KIAA0825: variants seen among roughly 807,000 people sequenced by gnomAD.
KIAA0825 encodes uncharacterized protein KIAA0825.
Under a neutral mutation model 147.6 loss-of-function variants are expected in KIAA0825, and 119 were observed. The observed-to-expected ratio is 0.81, with a 90% CI of 0.69 to 0.94. The LOEUF is 0.94. Ranked by LOEUF, KIAA0825 falls within the 40% of genes least tolerant of loss-of-function variation. KIAA0825 has a pLI of 0.00. For synonymous variants in KIAA0825, 470 were observed against 518.1 expected (o/e 0.91, Z 1.26); for missense variants, 1,381 against 1,472.7 (o/e 0.94, Z 1.02).
At chr5:94,309,169 T>A (rs1778942366) in intron 20 of KIAA0825, among the ~76,000 whole-genome samples, 1 of 151,818 alleles carries the variant, frequency 6.6e-6, no homozygotes, top group Non-Finnish European at 1.5e-5. Context: ...AGTATGTTTG[T>A]TGTGGTGATG....
chr5:94,410,840 A>G (rs1249033074), intron 15 of KIAA0825, among the ~76,000 whole-genome samples: 2 of 152,186 alleles, frequency 1.3e-5, no homozygotes, highest in Admixed American at 6.5e-5. Context: ...AGAGATTTGT[A>G]ATACAAGAAA....
intron 20 of KIAA0825, among the ~76,000 whole-genome samples, chr5:94,250,946 G>T (rs1775927144): frequency 6.6e-6 from 1 of 152,116 alleles, no homozygotes; most frequent in African/African-American, 2.4e-5. Context: ...GAATCCCCGT[G>T]AAGCTACACT....
At chr5:94,440,469 A>G (rs10063067) in intron 13 of KIAA0825, among the ~76,000 whole-genome samples, 15,958 of 152,250 alleles carry the variant, frequency 0.1, 1,097 homozygotes, top group South Asian at 0.19. Flanking sequence ...CAAATATATC[A>G]ATGCCTACTA....
chr5:94,527,897 A>C (rs781410869), intron 3 of KIAA0825, among the ~76,000 whole-genome samples: 11 of 152,086 alleles, frequency 7.2e-5, no homozygotes, highest in Non-Finnish European at 1.2e-4. Context: ...TGTAATTAAA[A>C]TATAAGTCAG....
intron 2 of KIAA0825, chr5:94,568,024 C>CA: frequency 6.1e-6 from 1 of 163,590 alleles, no homozygotes; most frequent in Non-Finnish European, 1.3e-5. Context: ...AAAATGACAT[C>CA]AAAAAAATCG....
chr5:94,270,139 T>C (rs1261424353), intron 20 of KIAA0825, among the ~76,000 whole-genome samples: 1 of 151,956 alleles, frequency 6.6e-6, no homozygotes, highest in African/African-American at 2.4e-5. Context: ...AGTAATGAGA[T>C]TGAAGCTGTA....
chr5:94,220,991 T>G (rs1055607833), intron 20 of KIAA0825, among the ~76,000 whole-genome samples: 2 of 152,242 alleles, frequency 1.3e-5, no homozygotes, highest in African/African-American at 2.4e-5. Flanking sequence ...ATTTTTGTGA[T>G]GTTTTACATG....
chr5:94,178,314 C>T (rs1769296471), intron 20 of KIAA0825, among the ~76,000 whole-genome samples: 1 of 151,908 alleles, frequency 6.6e-6, no homozygotes, highest in Non-Finnish European at 1.5e-5. Flanking sequence ...TGTCTTATTG[C>T]ACTAACCAGA....
intron 18 of KIAA0825, among the ~76,000 whole-genome samples, chr5:94,388,546 C>T (rs1014212267): frequency 6.6e-6 from 1 of 152,144 alleles, no homozygotes; most frequent in South Asian, 2.1e-4. Flanking sequence ...AAAAGGAATA[C>T]TTTCGTTTTT....
At chr5:94,466,885 A>T (rs1760611494) in intron 10 of KIAA0825, among the ~76,000 whole-genome samples, 1 of 152,126 alleles carries the variant, frequency 6.6e-6, no homozygotes, top group Admixed American at 6.5e-5. Flanking sequence ...TGGTTCTCTC[A>T]TACCCTTTGT....
intron 20 of KIAA0825, among the ~76,000 whole-genome samples, chr5:94,178,110 A>G (rs1399159705): frequency 6.6e-6 from 1 of 151,992 alleles, no homozygotes; most frequent in African/African-American, 2.4e-5. Flanking sequence ...TTTTCCTATC[A>G]TCTCCTCTGT....
intron 1 of KIAA0825, among the ~76,000 whole-genome samples, chr5:94,591,874 A>G (rs1330726737): frequency 6.6e-6 from 1 of 152,222 alleles, no homozygotes; most frequent in Non-Finnish European, 1.5e-5. Flanking sequence ...GAGCTTGTGC[A>G]AAGGAACTCC....
At chr5:94,535,493 CAAAAAAAAAAAAAA>C (rs11362220) in intron 3 of KIAA0825, among the ~76,000 whole-genome samples, 1 of 32,150 alleles carries the variant, frequency 3.1e-5, no homozygotes, top group Non-Finnish European at 6.7e-5. Context: ...CTGGGTGACT[CAAAAAAAAAAAAAA>C]AAAAAAAAAA....
intron 20 of KIAA0825, among the ~76,000 whole-genome samples, chr5:94,336,087 C>T (rs1311476597): frequency 6.6e-6 from 1 of 152,060 alleles, no homozygotes; most frequent in East Asian, 1.9e-4. Context: ...TAAATCATTG[C>T]AGCCAGGCAC....
intron 5 of KIAA0825, among the ~76,000 whole-genome samples, chr5:94,491,593 C>A (rs746997259): frequency 6.6e-6 from 1 of 152,128 alleles, no homozygotes; most frequent in Admixed American, 6.6e-5. Context: ...TCATGGAGGA[C>A]CTGCAAGCAT....
At chr5:94,582,100 G>A (rs988231426) in intron 2 of KIAA0825, among the ~76,000 whole-genome samples, 6 of 152,220 alleles carry the variant, frequency 3.9e-5, no homozygotes, top group African/African-American at 1.4e-4. Flanking sequence ...AGTAAAGTCA[G>A]TTAGTGGTGG....
At chr5:94,573,542 G>A (rs2152333260) in intron 2 of KIAA0825, among the ~76,000 whole-genome samples, 1 of 152,290 alleles carries the variant, frequency 6.6e-6, no homozygotes, top group South Asian at 2.1e-4. Context: ...AAAGTGCTGA[G>A]GTTACAGGTG....
At chr5:94,234,137 C>T (rs1352846011) in intron 20 of KIAA0825, among the ~76,000 whole-genome samples, 4 of 151,862 alleles carry the variant, frequency 2.6e-5, no homozygotes, top group East Asian at 1.9e-4. Flanking sequence ...GAGGCCGAGG[C>T]GGGTGGATCA....
chr5:94,406,228 C>A (rs112386006), intron 15 of KIAA0825, among the ~76,000 whole-genome samples: 1 of 152,074 alleles, frequency 6.6e-6, no homozygotes, highest in Admixed American at 6.6e-5. Flanking sequence ...CCTGGCCTAC[C>A]GCTGTATTTA....
Sources: gnomAD v4.1 joint callset for allele counts (sites outside exome capture counted in the v4.1 genomes callset) on GRCh38, gnomAD v4.1.1 for gene constraint, MANE v1.5 for transcripts, NCBI Gene and HGNC (gene_info 2026-07-23, HGNC 2026-07-21) for gene names.